The following VAV3 variants were observed in gnomAD, a reference collection of about 807,000 sequenced individuals.
The protein encoded by VAV3 is guanine nucleotide exchange factor VAV3.
VAV3 carries 94 observed loss-of-function variants against 131.2 expected under a neutral mutation model. The ratio of observed to expected loss-of-function variants is 0.72; its 90% CI spans 0.61 to 0.85. The LOEUF is 0.85. Among genes scored for constraint, VAV3 ranks in the 40% least tolerant of loss-of-function variants. The probability of loss-of-function intolerance (pLI) is 0.00; values close to 1 mark genes in which losing one functional copy is unlikely to be tolerated. For synonymous variants in VAV3, 349 were observed against 342.0 expected (o/e 1.02, Z -0.22); for missense variants, 939 against 1,002.7 (o/e 0.94, Z 0.86).
At chr1:107,679,688 T>C (rs955920068) in intron 19 of VAV3, among the ~76,000 whole-genome samples, 3 of 152,236 alleles carry the variant, frequency 2.0e-5, no homozygotes, top group African/African-American at 7.2e-5. Flanking sequence ...TATTAAAATT[T>C]AATTGGTAAC....
intron 2 of VAV3, among the ~76,000 whole-genome samples, chr1:107,805,055 T>C (rs1208469829): frequency 2.0e-5 from 3 of 152,144 alleles, no homozygotes; most frequent in Admixed American, 1.3e-4. Context: ...TTCCTTTATA[T>C]GTTATTTGCT....
intron 15 of VAV3, among the ~76,000 whole-genome samples, chr1:107,733,896 A>C (rs1440986333): frequency 6.7e-6 from 1 of 149,604 alleles, no homozygotes; most frequent in Non-Finnish European, 1.5e-5. Context: ...GAGAACACCA[A>C]GAACACCAAT....
At chr1:107,841,538 A>G (rs1668709851) in intron 2 of VAV3, among the ~76,000 whole-genome samples, 1 of 152,252 alleles carries the variant, frequency 6.6e-6, no homozygotes, top group Non-Finnish European at 1.5e-5. Context: ...TGTGGGTGCC[A>G]TAGATCAAGC....
intron 19 of VAV3, among the ~76,000 whole-genome samples, chr1:107,644,952 C>T (rs1185019506): frequency 3.1e-5 from 2 of 64,728 alleles, no homozygotes; most frequent in Non-Finnish European, 4.0e-5. Context: ...TCTGTATACT[C>T]GAGTATACAG....
intron 19 of VAV3, chr1:107,669,597 T>A (rs985691904): frequency 3.5e-5 from 39 of 1,126,754 alleles, no homozygotes; most frequent in Non-Finnish European, 4.1e-5. Flanking sequence ...AGAGCCTCCT[T>A]TTCTTGCACA....
chr1:107,788,617 C>A (rs114367251), intron 2 of VAV3, among the ~76,000 whole-genome samples: 4 of 152,168 alleles, frequency 2.6e-5, no homozygotes, highest in Admixed American at 6.5e-5. Context: ...TTTACCATCC[C>A]CCGGTCCAAA....
chr1:107,950,130 C>A (rs78726236), intron 1 of VAV3, among the ~76,000 whole-genome samples: 4 of 150,162 alleles, frequency 2.7e-5, no homozygotes, highest in Non-Finnish European at 4.4e-5. Flanking sequence ...AACCACAAAA[C>A]AAAAAAAAAG....
intron 21 of VAV3, among the ~76,000 whole-genome samples, chr1:107,611,054 G>T (rs1433703369): frequency 6.6e-6 from 1 of 152,140 alleles, no homozygotes; most frequent in Non-Finnish European, 1.5e-5. Flanking sequence ...TCCCTTATCT[G>T]CAATCCTTGG....
chr1:107,953,447 G>A (rs1241914287), intron 1 of VAV3, among the ~76,000 whole-genome samples: 1 of 152,112 alleles, frequency 6.6e-6, no homozygotes, highest in African/African-American at 2.4e-5. Context: ...ACTTTCCCAG[G>A]GTCAGTGTTG....
chr1:107,813,380 A>C (rs1293563242), intron 2 of VAV3, among the ~76,000 whole-genome samples: 1 of 152,190 alleles, frequency 6.6e-6, no homozygotes, highest in Non-Finnish European at 1.5e-5. Context: ...TCTTAGCAAC[A>C]AAGGGATCCA....
At chr1:107,697,190 G>C (rs537580935) in intron 17 of VAV3, among the ~76,000 whole-genome samples, 1 of 152,282 alleles carries the variant, frequency 6.6e-6, no homozygotes, top group Non-Finnish European at 1.5e-5. Context: ...CTGATGGAAT[G>C]ATACAGAGAT....
intron 2 of VAV3, among the ~76,000 whole-genome samples, chr1:107,868,461 C>A (rs1302094724): frequency 6.6e-6 from 1 of 152,026 alleles, no homozygotes; most frequent in Non-Finnish European, 1.5e-5. Flanking sequence ...ACAGGGAAAG[C>A]CAGGCAGAAT....
At chr1:107,587,479 G>A (rs1317851721) in intron 25 of VAV3, among the ~76,000 whole-genome samples, 2 of 152,204 alleles carry the variant, frequency 1.3e-5, no homozygotes, top group South Asian at 2.1e-4. Flanking sequence ...CAAGAGACTA[G>A]TAAAACCAAA....
At chr1:107,889,205 T>A (rs1671200213) in intron 1 of VAV3, among the ~76,000 whole-genome samples, 1 of 150,996 alleles carries the variant, frequency 6.6e-6, no homozygotes, top group Non-Finnish European at 1.5e-5. Flanking sequence ...TCAGGGCATA[T>A]AACAATGCCC....
At chr1:107,725,597 C>A (rs1307396059) in intron 15 of VAV3, among the ~76,000 whole-genome samples, 1 of 152,144 alleles carries the variant, frequency 6.6e-6, no homozygotes, top group Non-Finnish European at 1.5e-5. Flanking sequence ...TCACTGCAAC[C>A]TCTGCCTCCT....
chr1:107,649,368 T>C (rs548139981), intron 19 of VAV3, among the ~76,000 whole-genome samples: 1 of 152,148 alleles, frequency 6.6e-6, no homozygotes, highest in Non-Finnish European at 1.5e-5. Flanking sequence ...ATATTTGCTC[T>C]TACAGAACAT....
At chr1:107,640,640 A>G (rs1368443700) in intron 20 of VAV3, among the ~76,000 whole-genome samples, 4 of 152,194 alleles carry the variant, frequency 2.6e-5, no homozygotes, top group Non-Finnish European at 5.9e-5. Flanking sequence ...TAAACTATGC[A>G]CAGTTTACCA....
At position 107,698,354 on chromosome 1, in the gene VAV3, T is replaced by C. The variant is rs1008566514; in HGVS notation, c.1705+6196A>G. 6.6e-5 allele frequency among the ~76,000 whole-genome samples: 10 copies of C among 152,338 alleles called. 1 individual carries two copies. The South Asian group carries it at 1.2e-3, about 19-fold the overall frequency. On this transcript the variant is annotated intron_variant, in intron 17 of 26. Transcript: ENST00000370056. The stretch of plus-strand genomic sequence containing the variant: ...AGCAGCAGCTAGCCACAGCTACCAG[T>C]CAGCCACGAAATCACAAGGGGAAGC...
intron 1 of VAV3, among the ~76,000 whole-genome samples, chr1:107,888,077 G>C (rs574754914): frequency 6.6e-6 from 1 of 151,786 alleles, no homozygotes; most frequent in East Asian, 1.9e-4. Context: ...TCTACATAAA[G>C]TAAAAAGAAA....
Sources: gnomAD v4.1 joint callset for allele counts (sites outside exome capture counted in the v4.1 genomes callset) on GRCh38, gnomAD v4.1.1 for gene constraint, MANE v1.5 for transcripts, NCBI Gene and HGNC (gene_info 2026-07-23, HGNC 2026-07-21) for gene names.